NSMAF: variants seen among roughly 807,000 people sequenced by gnomAD.
The protein encoded by NSMAF is protein FAN.
In NSMAF, 90 loss-of-function variants were observed where a neutral mutation model predicts 134.9. The observed-to-expected ratio is 0.67, with a 90% CI of 0.56 to 0.79. The LOEUF (loss-of-function observed/expected upper bound fraction) is 0.79, where lower values mean the gene tolerates loss of function less well. Among genes scored for constraint, NSMAF ranks in the 30% least tolerant of loss-of-function variants. The pLI, the probability that NSMAF is intolerant of heterozygous loss-of-function variation, is 0.00. For synonymous variants in NSMAF, 358 were observed against 389.6 expected (o/e 0.92, Z 0.96); for missense variants, 1,010 against 1,119.0 (o/e 0.90, Z 1.39).
intron 26 of NSMAF, 57 bp downstream of exon 26, chr8:58,589,395 T>TA: frequency 7.5e-7 from 1 of 1,333,600 alleles, no homozygotes; most frequent in Non-Finnish European, 9.8e-7. Context: ...AGCTAAAAAT[T>TA]ATACATATGC....
chr8:58,604,433 TTAAAG>T (rs1443776878), intron 12 of NSMAF, among the ~76,000 whole-genome samples: 1 of 151,488 alleles, frequency 6.6e-6, no homozygotes, highest in Non-Finnish European at 1.5e-5. Flanking sequence ...AGACAGGAAA[TTAAAG>T]TAAACTTGTA....
chr8:58,637,200 A>G (rs1807196486), intron 2 of NSMAF: 3 of 334,590 alleles, frequency 9.0e-6, no homozygotes. Context: ...CATCCTTTTA[A>G]TTCATTTACA....
intron 24 of NSMAF, among the ~76,000 whole-genome samples, chr8:58,590,408 C>A (rs775892226): frequency 1.3e-5 from 2 of 152,152 alleles, no homozygotes; most frequent in African/African-American, 2.4e-5. Context: ...GAAAATACCC[C>A]CTCTGGACTA....
intron 1 of NSMAF, among the ~76,000 whole-genome samples, chr8:58,654,265 AAT>A (rs1324652318): frequency 6.6e-6 from 1 of 152,202 alleles, no homozygotes; most frequent in East Asian, 1.9e-4. Flanking sequence ...TTATAAAATA[AAT>A]ATAGACACAA....
At chr8:58,632,795 A>G (rs28489122) in intron 5 of NSMAF, among the ~76,000 whole-genome samples, 51,252 of 151,986 alleles carry the variant, frequency 0.34, 8,841 homozygotes, top group Non-Finnish European at 0.36. Context: ...TGGAGTTCTC[A>G]TGGCCATCTT....
Position 58,599,737 on chromosome 8 carries a change from AG to A in NSMAF, c.1453+12del, listed in dbSNP as rs1563527030. On this transcript the variant is annotated intron_variant, in intron 18 of 30. Transcript: ENST00000038176. ...GCATGTCTATAATACAACACCTCCAAGGGGGGACTCACTGGAAGCCCAAGGG... is the reference window on the plus strand; with the variant it reads ...GCATGTCTATAATACAACACCTCCAAGGGGGACTCACTGGAAGCCCAAGGG... 3 of 1,612,620 alleles carry A rather than the reference AG, an allele frequency of 1.9e-6. No individual in the cohort carries two copies. Among genetic ancestry groups the A allele is most frequent in the Admixed American group, 1.7e-5 (1 of 59,788 alleles).
In NSMAF at chr8:58,583,972, G is replaced by GT. The variant is rs1187545244; in HGVS notation, c.*133dup. ...CAATGAAGTCACCATGATTTAGAAA[G>GT]TTTAAAACCACAAATTTTCCATGTG... On this transcript the variant is annotated 3_prime_UTR_variant, in exon 31 of 31. Transcript: ENST00000038176. 3.4e-5 allele frequency: 25 copies of GT among 730,936 alleles called. No homozygotes were observed. The highest frequency in any genetic ancestry group is 5.2e-5 in the Non-Finnish European group (22 of 420,592). 45.3% of individuals were successfully genotyped at this position (730,936 alleles called of 1,614,324 possible). A position where few individuals can be genotyped will look rare whatever the true frequency, so the allele number is the denominator to read the frequency against.
intron 14 of NSMAF, 25 bp from the exon 15 acceptor site, chr8:58,601,560 A>AAAAAG (rs57177969): frequency 1.3e-6 from 2 of 1,575,246 alleles, no homozygotes; most frequent in African/African-American, 2.8e-5. Context: ...AAAAAAAAAA[A>AAAAAG]TAGAGCTAAG....
At chr8:58,624,369 G>A (rs1339871426) in intron 6 of NSMAF, among the ~76,000 whole-genome samples, 1 of 151,802 alleles carries the variant, frequency 6.6e-6, no homozygotes, top group Non-Finnish European at 1.5e-5. Context: ...TTTTATTTGA[G>A]GTATTTCTTC....
At position 58,586,543 on chromosome 8, in the gene NSMAF, C is replaced by CA. The variant is rs1172621687; in HGVS notation, c.2360dup (p.Asn788GlufsTer23). Reference sequence around the variant, plus strand: ...TGGCCGTTGTGAGGTCCCAAATATTCACTGTGCCTTCTTTGGTGCCGGAAA... The same window carrying CA: ...TGGCCGTTGTGAGGTCCCAAATATTCAACTGTGCCTTCTTTGGTGCCGGAAA... On this transcript the variant is annotated frameshift_variant, in exon 28 of 31. Transcript: ENST00000038176. LOFTEE classifies it high-confidence loss of function. 1.2e-5 allele frequency: 20 copies of CA among 1,613,784 alleles called. No homozygotes were observed. Among genetic ancestry groups the CA allele is most frequent in the Non-Finnish European group, 1.6e-5 (19 of 1,179,888 alleles).
intron 13 of NSMAF, 152 bp from the exon 14 acceptor site, chr8:58,602,289 T>C (rs1028128544): frequency 1.7e-6 from 1 of 578,920 alleles, no homozygotes; most frequent in Non-Finnish European, 2.9e-6. Flanking sequence ...TTTATGTAGA[T>C]GTAAAGAAAA....
chr8:58,598,265 TA>T (rs1233789333), intron 19 of NSMAF, among the ~76,000 whole-genome samples: 1 of 151,808 alleles, frequency 6.6e-6, no homozygotes, highest in Non-Finnish European at 1.5e-5. Flanking sequence ...GTTCATTTAT[TA>T]AAAAAAGAAA....
chr8:58,594,564 T>C (rs540435284), intron 22 of NSMAF: 2 of 429,318 alleles, frequency 4.7e-6, no homozygotes, highest in South Asian at 4.5e-5. Context: ...TTTCTGGCAA[T>C]TGGAAAACTC....
chr8:58,657,678 C>T (rs1285019326), intron 1 of NSMAF, among the ~76,000 whole-genome samples: 3 of 152,204 alleles, frequency 2.0e-5, no homozygotes, highest in Non-Finnish European at 4.4e-5. Flanking sequence ...GGAGTATGCC[C>T]ATCAGCCCAG....
At chr8:58,647,862 T>A in intron 1 of NSMAF, among the ~76,000 whole-genome samples, 1 of 152,120 alleles carries the variant, frequency 6.6e-6, no homozygotes, top group East Asian at 1.9e-4. Context: ...GACTAAGACA[T>A]AAAATTGGCA....
rs754475996 is a variant in NSMAF at position 58,594,272 on chromosome 8, C to A, written c.1911G>T (p.Thr637=). The A allele has an allele frequency of 1.1e-5, 17 of 1,614,106 alleles. No individual in the cohort carries two copies. Among genetic ancestry groups the A allele is most frequent in the Non-Finnish European group, 1.4e-5 (16 of 1,179,958 alleles). The part of the protein sequence containing the change: ...KIHKEAVTGI[T]VSRNGSSVFT... Reference sequence around the variant, plus strand: ...ATACTGAAGATCCATTGCGAGAGACCGTGATTCCAGTAACTGCTCTGCTCA... The same window carrying A: ...ATACTGAAGATCCATTGCGAGAGACAGTGATTCCAGTAACTGCTCTGCTCA... The change falls in exon 23 of 31, where the codon ACG becomes ACT. Residue 637 remains threonine, a synonymous_variant. Transcript: ENST00000038176.
At chr8:58,628,294 T>C (rs1806982047) in intron 6 of NSMAF, among the ~76,000 whole-genome samples, 2 of 152,056 alleles carry the variant, frequency 1.3e-5, no homozygotes, top group African/African-American at 4.8e-5. Context: ...TACATGATAA[T>C]ATTGGAAAAA....
chr8:58,650,850 G>A (rs993904486), intron 1 of NSMAF, among the ~76,000 whole-genome samples: 1 of 152,200 alleles, frequency 6.6e-6, no homozygotes, highest in Non-Finnish European at 1.5e-5. Context: ...ACTGTACTTA[G>A]ATTTCACTAA....
intron 1 of NSMAF, 85 bp downstream of exon 1, chr8:58,659,488 C>T: frequency 3.3e-6 from 5 of 1,503,212 alleles, no homozygotes; most frequent in Non-Finnish European, 4.4e-6. Context: ...CACGCCGCCT[C>T]CCGTCCCTCA....
Sources: allele counts gnomAD v4.1 joint callset (sites outside exome capture counted in the v4.1 genomes callset), GRCh38; gene constraint gnomAD v4.1.1; transcripts MANE v1.5; gene names NCBI Gene and HGNC (gene_info 2026-07-23, HGNC 2026-07-21).